The following MRTFA variants were observed in gnomAD, a reference collection of about 807,000 sequenced individuals.
The protein encoded by MRTFA is myocardin-related transcription factor A.
MRTFA carries 20 observed loss-of-function variants against 83.5 expected under a neutral mutation model. The observed-to-expected ratio is 0.24, with a 90% CI of 0.17 to 0.35. The LOEUF (loss-of-function observed/expected upper bound fraction) is 0.35. MRTFA is among the 10% of genes least tolerant of loss of function. The probability of loss-of-function intolerance (pLI) is 1.00; values close to 1 mark genes in which losing one functional copy is unlikely to be tolerated. For missense variants in MRTFA, 1,200 were observed against 1,224.7 expected (o/e 0.98, Z 0.30); for synonymous variants, 659 against 541.2 (o/e 1.22, Z -3.02).
intron 1 of MRTFA, among the ~76,000 whole-genome samples, chr22:40,624,237 AAC>A (rs999151770): frequency 6.6e-6 from 1 of 152,078 alleles, no homozygotes; most frequent in Non-Finnish European, 1.5e-5. Flanking sequence ...AAGCCTGGCC[AAC>A]ACAGTGAAAC....
chr22:40,599,438 T>C (rs973724532), intron 1 of MRTFA, among the ~76,000 whole-genome samples: 16 of 152,220 alleles, frequency 1.1e-4, no homozygotes, highest in Admixed American at 2.0e-4. Flanking sequence ...GGGATGAGAA[T>C]AATTTTTACA....
At chr22:40,491,738 GA>G (rs35767755) in intron 3 of MRTFA, among the ~76,000 whole-genome samples, 4 of 152,016 alleles carry the variant, frequency 2.6e-5, no homozygotes, top group African/African-American at 9.7e-5. Flanking sequence ...GCACGGTGGG[GA>G]AAAAAGGAGT....
At chr22:40,565,911 T>C (rs1238566734) in intron 2 of MRTFA, among the ~76,000 whole-genome samples, 2 of 152,164 alleles carry the variant, frequency 1.3e-5, no homozygotes, top group Non-Finnish European at 2.9e-5. Context: ...AAGACGTATA[T>C]TTACCTAAAT....
intron 2 of MRTFA, among the ~76,000 whole-genome samples, chr22:40,580,859 C>T (rs2055937075): frequency 1.3e-5 from 2 of 152,176 alleles, no homozygotes; most frequent in African/African-American, 2.4e-5. Flanking sequence ...GCAATTGTCC[C>T]GTCTCATCCT....
chr22:40,634,462 G>A (rs777038275), intron 1 of MRTFA, among the ~76,000 whole-genome samples: 1 of 152,178 alleles, frequency 6.6e-6, no homozygotes, highest in Non-Finnish European at 1.5e-5. Context: ...TTAACATTCA[G>A]CTCAAATGCC....
chr22:40,536,177 T>C (rs1294261147), intron 3 of MRTFA, among the ~76,000 whole-genome samples: 1 of 150,482 alleles, frequency 6.6e-6, no homozygotes, highest in East Asian at 1.9e-4. Flanking sequence ...GTGATGCCTG[T>C]CTGTAGTCCC....
intron 4 of MRTFA, among the ~76,000 whole-genome samples, chr22:40,452,805 CAA>C (rs34486531): frequency 3.2e-4 from 20 of 62,638 alleles, no homozygotes; most frequent in Admixed American, 1.9e-4. Context: ...CACTCCGTCT[CAA>C]AAAAAAAAAA....
At chr22:40,453,438 C>G (rs2053530235) in intron 4 of MRTFA, among the ~76,000 whole-genome samples, 1 of 152,186 alleles carries the variant, frequency 6.6e-6, no homozygotes, top group African/African-American at 2.4e-5. Flanking sequence ...TGGGGAAAGC[C>G]TTTTCTGGGC....
At chr22:40,574,004 C>T (rs987286197) in intron 2 of MRTFA, among the ~76,000 whole-genome samples, 1 of 152,078 alleles carries the variant, frequency 6.6e-6, no homozygotes, top group African/African-American at 2.4e-5. Context: ...CCTGCCTTGG[C>T]CTCCCAAAAT....
intron 3 of MRTFA, among the ~76,000 whole-genome samples, chr22:40,475,803 A>G (rs1162675412): frequency 2.0e-5 from 3 of 152,228 alleles, no homozygotes; most frequent in African/African-American, 7.2e-5. Context: ...AGTCAGAGAA[A>G]AAGAGAAACA....
At chr22:40,471,219 TAAAAAAAA>T (rs61206773) in intron 3 of MRTFA, among the ~76,000 whole-genome samples, 40 of 42,692 alleles carry the variant, frequency 9.4e-4, no homozygotes, top group South Asian at 1.3e-3. Flanking sequence ...CTGTTTCTAT[TAAAAAAAA>T]AAAAAAAAAA....
At chr22:40,582,961 A>G (rs899989214) in intron 2 of MRTFA, among the ~76,000 whole-genome samples, 3 of 152,322 alleles carry the variant, frequency 2.0e-5, no homozygotes, top group Middle Eastern at 3.4e-3. Context: ...TGCAATGCTA[A>G]GAGTCTCACT....
Position 40,622,787 on chromosome 22 carries a change from G to A in MRTFA, c.-84+13691C>T, listed in dbSNP as rs536408168. Among the ~76,000 whole-genome samples the A allele has an allele frequency of 7.9e-5, 12 of 151,852 alleles. No individual in the cohort carries two copies. The South Asian group carries it at 2.3e-3, about 29-fold the overall frequency. ...ATGTATGACCTCCAGAACTATAAGAGAATGAATATCTGTTGTTGTAAGGCA... is the reference window on the plus strand; with the variant it reads ...ATGTATGACCTCCAGAACTATAAGAAAATGAATATCTGTTGTTGTAAGGCA... On this transcript the variant is annotated intron_variant, in intron 1 of 14. Transcript: ENST00000355630.
At chr22:40,432,928 A>T (rs17001895) in intron 5 of MRTFA, among the ~76,000 whole-genome samples, 1 of 152,220 alleles carries the variant, frequency 6.6e-6, no homozygotes, top group African/African-American at 2.4e-5. Flanking sequence ...TCTCTAAGCC[A>T]TCTGAAGCTC....
intron 1 of MRTFA, among the ~76,000 whole-genome samples, chr22:40,613,444 T>C (rs2056410263): frequency 6.6e-6 from 1 of 152,186 alleles, no homozygotes; most frequent in Non-Finnish European, 1.5e-5. Flanking sequence ...CATGTCACAC[T>C]CCTACAAGCA....
At position 40,626,901 on chromosome 22, in the gene MRTFA, T is replaced by A. The variant is rs553465498; in HGVS notation, c.-84+9577A>T. Among the ~76,000 whole-genome samples, 249 of 117,312 alleles carry A rather than the reference T, an allele frequency of 2.1e-3. 2 individuals are homozygous for A. Among genetic ancestry groups the A allele is most frequent in the Non-Finnish European group, 2.8e-3 (142 of 51,544 alleles). The allele number at this position is 117,312 out of a possible 152,430, so 77.0% of individuals were successfully genotyped here. A position where few individuals can be genotyped will look rare whatever the true frequency, so the allele number is the denominator to read the frequency against. ...CACACACACACACACACACACACAC[T>A]AACTAAAGCCAAAGTTTCAACCATG... On this transcript the variant is annotated intron_variant, in intron 1 of 14. Transcript: ENST00000355630.
In MRTFA at chr22:40,418,528, G is replaced by A. The variant is rs2052741065; in HGVS notation, c.2210C>T (p.Ala737Val). Residue 737 changes from alanine (A) to valine (V), a missense_variant, in exon 12 of 15, where the codon GCC (alanine) becomes GTC (valine). By Grantham distance (64) the Ala-to-Val change is moderately conservative. Around this residue, in one of 2 missense-constraint regions of MRTFA, gnomAD observed 1,107 missense variants for 1,041.8 expected, o/e 1.06. Coordinates refer to ENST00000355630, the MANE Select transcript of MRTFA (RefSeq NM_020831.6). The stretch of plus-strand genomic sequence containing the variant: ...CTGAGGCCCCAGAAGCAACTGGGGG[G>A]CGGGGACCGGCTCGGGCTCAGGCTG... 1 of 1,587,774 alleles carries A rather than the reference G, an allele frequency of 6.3e-7. No homozygotes were observed. Among genetic ancestry groups the A allele is most frequent in the Non-Finnish European group, 8.5e-7 (1 of 1,171,472 alleles).
intron 2 of MRTFA, among the ~76,000 whole-genome samples, chr22:40,563,418 A>G (rs1053524165): frequency 1.3e-5 from 2 of 152,172 alleles, no homozygotes; most frequent in Admixed American, 1.3e-4. Flanking sequence ...GAAATTTAAA[A>G]AGAACTTAAT....
intron 12 of MRTFA, 88 bp downstream of exon 12, chr22:40,418,286 G>T: frequency 6.5e-7 from 1 of 1,531,158 alleles, no homozygotes; most frequent in Admixed American, 2.2e-5. Context: ...TGTCCAGCAC[G>T]AGGGGTCCCC....
Sources: gnomAD v4.1 joint callset for allele counts (sites outside exome capture counted in the v4.1 genomes callset) on GRCh38, gnomAD v4.1.1 for gene constraint, gnomAD v4.1.1 regional missense constraint, MANE v1.5 for transcripts, NCBI Gene and HGNC (gene_info 2026-07-23, HGNC 2026-07-21) for gene names.